The following CHUK variants were observed in gnomAD, a reference collection of about 807,000 sequenced individuals.
The protein encoded by CHUK is component of inhibitor of nuclear factor kappa B kinase complex, also known as inhibitor of nuclear factor kappa-B kinase subunit alpha.
Under a neutral mutation model 104.8 loss-of-function variants are expected in CHUK, and 35 were observed. That is an observed-to-expected ratio of 0.33 (90% CI 0.26 to 0.44). CHUK has a LOEUF of 0.44. Ranked by LOEUF, CHUK falls within the 20% of genes least tolerant of loss-of-function variation. CHUK has a pLI of 1.00. For missense variants in CHUK, 663 were observed against 902.7 expected (o/e 0.73, Z 3.40); for synonymous variants, 276 against 291.9 (o/e 0.95, Z 0.56).
intron 2 of CHUK, among the ~76,000 whole-genome samples, chr10:100,225,139 A>G (rs1197915324): frequency 6.6e-6 from 1 of 152,214 alleles, no homozygotes; most frequent in Non-Finnish European, 1.5e-5. Context: ...GTGAGCCAAC[A>G]TGCCCAGCCT....
chr10:100,191,070 G>A, intron 19 of CHUK, 102 bp from the exon 20 acceptor site: 1 of 779,780 alleles, frequency 1.3e-6, no homozygotes, highest in South Asian at 1.4e-5. Context: ...TAGCCTTCCT[G>A]TAACCCAGTA....
rs1170323603 is a variant in CHUK at position 100,193,880 on chromosome 10, A to G, written c.1974+104T>C. 4 of 1,011,460 alleles carry G rather than the reference A, an allele frequency of 4.0e-6. No individual in the cohort carries two copies. The Admixed American group carries it at 7.2e-5, about 18-fold the overall frequency. 62.7% of individuals were successfully genotyped at this position (1,011,460 alleles called of 1,614,324 possible). On this transcript the variant is annotated intron_variant, in intron 18 of 20. Transcript: ENST00000370397. ...CATGGATGTCATCCCAATGCAAAAT[A>G]TACATGTCTTCAAGAGGGCCCACCT...
chr10:100,229,570 T>C lies in CHUK; in HGVS notation c.-38A>G. On this transcript the variant is annotated 5_prime_UTR_variant, in exon 1 of 21. Coordinates refer to ENST00000370397, the MANE Select transcript of CHUK (RefSeq NM_001278.5). ...CAAGCGGCCTCAGGTTCCACAGTTG[T>C]TCCAAGGCCGGTTCCGGGCCGCCGA... 1 of 1,346,708 alleles carries C rather than the reference T, an allele frequency of 7.4e-7. No homozygotes were observed. 83.4% of individuals were successfully genotyped at this position (1,346,708 alleles called of 1,614,324 possible). A position where few individuals can be genotyped will look rare whatever the true frequency, so the allele number is the denominator to read the frequency against.
intron 16 of CHUK, among the ~76,000 whole-genome samples, chr10:100,197,051 C>T (rs1042733618): frequency 8.5e-5 from 13 of 152,170 alleles, no homozygotes; most frequent in African/African-American, 2.9e-4. Context: ...TGGGCACTTT[C>T]GTCACTGTGT....
At chr10:100,211,791 C>T (rs1037874238) in intron 9 of CHUK, among the ~76,000 whole-genome samples, 1 of 152,090 alleles carries the variant, frequency 6.6e-6, no homozygotes, top group Non-Finnish European at 1.5e-5. Context: ...CTGCAATGAA[C>T]ATGGGAGTGC....
intron 11 of CHUK, 24 bp downstream of exon 11, chr10:100,207,206 A>AC: frequency 9.9e-7 from 1 of 1,014,680 alleles, no homozygotes. Flanking sequence ...TTTAAAGCTC[A>AC]GCCACTAAAT....
At chr10:100,215,705 G>C (rs147898993) in intron 9 of CHUK, among the ~76,000 whole-genome samples, 69 of 152,186 alleles carry the variant, frequency 4.5e-4, no homozygotes, top group African/African-American at 1.6e-3. Context: ...TAACTGTTTT[G>C]TTGCTTCCTT....
At chr10:100,223,046 A>G in intron 2 of CHUK, 66 bp from the exon 3 acceptor site, 2 of 786,636 alleles carry the variant, frequency 2.5e-6, no homozygotes, top group Non-Finnish European at 4.5e-6. Flanking sequence ...TGGATTTGAA[A>G]TGCTACTTAA....
chr10:100,209,715 T>A lies in CHUK; in HGVS notation c.1008A>T (p.Ser336=), dbSNP rs764768611. The A allele has an allele frequency of 6.4e-7, 1 of 1,571,950 alleles. No individual in the cohort carries two copies. Residue 336 remains serine (S), a synonymous_variant, in exon 10 of 21, where the codon TCA becomes TCT. Transcript: ENST00000370397. ...FLLPPDESLH[S]LQSRIERETG... ...TTTCACGCTCAATACGAGACTGTAG[T>A]GAATGAAGACTTTCATCAGGTGGTA...
chr10:100,201,967 G>GA lies in CHUK; in HGVS notation c.1569+120dup. The GA allele has an allele frequency of 6.3e-6, 5 of 790,580 alleles. No homozygotes were observed. In the Middle Eastern group the frequency reaches 1.4e-3, roughly 222 times the overall value. 49.0% of individuals were successfully genotyped at this position (790,580 alleles called of 1,614,324 possible). On this transcript the variant is annotated intron_variant, in intron 14 of 20. Coordinates refer to ENST00000370397, the MANE Select transcript of CHUK (RefSeq NM_001278.5). ...CTCTTTATATACAAAGCATCTACTA[G>GA]AATTTTGTCTGAATTTCAGGAATGA...
At chr10:100,218,670 C>T (rs895048846) in intron 8 of CHUK, 48 bp downstream of exon 8, 2 of 1,215,232 alleles carry the variant, frequency 1.6e-6, no homozygotes, top group Non-Finnish European at 2.5e-6. Context: ...TGCTCCTTTA[C>T]AACTCTGGAG....
At chr10:100,194,153 C>CA (rs1179574339) in intron 17 of CHUK, 22 bp from the exon 18 acceptor site, 1 of 1,612,110 alleles carries the variant, frequency 6.2e-7, no homozygotes, top group Non-Finnish European at 8.5e-7. Flanking sequence ...AAATCAGTGT[C>CA]AGACACTTTC....
chr10:100,191,882 G>A (rs1030236068), intron 19 of CHUK, among the ~76,000 whole-genome samples: 2 of 152,234 alleles, frequency 1.3e-5, no homozygotes, highest in Non-Finnish European at 2.9e-5. Flanking sequence ...ACTTTTGGAG[G>A]CCGAGGCAGG....
At chr10:100,208,460 AAAT>A (rs1214103297) in intron 10 of CHUK, among the ~76,000 whole-genome samples, 2 of 152,220 alleles carry the variant, frequency 1.3e-5, no homozygotes, top group Non-Finnish European at 2.9e-5. Flanking sequence ...ATGCAGGCCT[AAAT>A]AACAACTGTT....
intron 15 of CHUK, 60 bp from the exon 16 acceptor site, chr10:100,200,080 C>T: frequency 8.5e-7 from 1 of 1,176,724 alleles, no homozygotes; most frequent in Non-Finnish European, 1.3e-6. Context: ...CAATAATCTA[C>T]AACTTGAAAC....
At chr10:100,225,504 T>C (rs551131723) in intron 2 of CHUK, among the ~76,000 whole-genome samples, 89 of 152,362 alleles carry the variant, frequency 5.8e-4, no homozygotes, top group Non-Finnish European at 1.2e-3. Context: ...TCTCTGCTGG[T>C]AGATACTGGG....
At chr10:100,200,200 AAAGTTT>A (rs1438134319) in intron 15 of CHUK, among the ~76,000 whole-genome samples, 180 bp from the exon 16 acceptor site, 1 of 152,240 alleles carries the variant, frequency 6.6e-6, no homozygotes, top group Non-Finnish European at 1.5e-5. Flanking sequence ...CTTAAAATGC[AAAGTTT>A]AATATAGTTC....
intron 2 of CHUK, among the ~76,000 whole-genome samples, chr10:100,223,604 C>A (rs564914410): frequency 5.6e-5 from 8 of 141,848 alleles, no homozygotes; most frequent in Admixed American, 2.0e-4. Flanking sequence ...AAGACCACAT[C>A]TCTTTTAAAA....
At chr10:100,191,532 G>A (rs554504496) in intron 19 of CHUK, among the ~76,000 whole-genome samples, 1 of 152,294 alleles carries the variant, frequency 6.6e-6, no homozygotes, top group Admixed American at 6.5e-5. Context: ...GTGTGGTGGG[G>A]GAGCTACCCA....
Sources: allele counts gnomAD v4.1 joint callset (sites outside exome capture counted in the v4.1 genomes callset), GRCh38; gene constraint gnomAD v4.1.1; transcripts MANE v1.5; gene names NCBI Gene and HGNC (gene_info 2026-07-23, HGNC 2026-07-21).